Variants in SMG9 observed in about 807,000 individuals in gnomAD.
SMG9 encodes SMG9 nonsense mediated mRNA decay factor.
SMG9 carries 55 observed loss-of-function variants against 64.0 expected under a neutral mutation model. The observed-to-expected ratio is 0.86, with a 90% CI of 0.69 to 1.08. SMG9 has a LOEUF of 1.08. SMG9 is among the 50% of genes least tolerant of loss of function. The pLI, the probability that SMG9 is intolerant of heterozygous loss-of-function variation, is 0.00. For missense variants in SMG9, 554 were observed against 681.3 expected (o/e 0.81, Z 2.08); for synonymous variants, 244 against 254.8 (o/e 0.96, Z 0.41).
At position 43,728,113 on chromosome 19, in the gene SMG9, G is replaced by A. The variant is rs1347932584; in HGVS notation, c.*3483C>T. 2 of 152,144 alleles carry A rather than the reference G, an allele frequency of 1.3e-5. No homozygotes were observed. The highest frequency in any genetic ancestry group is 2.9e-5 in the Non-Finnish European group (2 of 68,048). 9.4% of individuals were successfully genotyped at this position (152,144 alleles called of 1,614,324 possible). The stretch of plus-strand genomic sequence containing the variant: ...TAACATTTATTGAGGCTCAGCATAG[G>A]TCAGGCACTGATATGGTTTGGATCT... On this transcript the variant is annotated 3_prime_UTR_variant, in exon 14 of 14. Coordinates refer to ENST00000270066, the MANE Select transcript of SMG9 (RefSeq NM_019108.4).
intron 9 of SMG9, among the ~76,000 whole-genome samples, chr19:43,735,494 T>C (rs924610800): frequency 1.3e-5 from 2 of 151,856 alleles, no homozygotes; most frequent in Non-Finnish European, 2.9e-5. Flanking sequence ...GGCACACACC[T>C]GTAGTCCCAG....
rs959104360 is a variant in SMG9, at chr19:43,744,832, C to T, written c.641G>A (p.Gly214Glu). 6.2e-7 allele frequency: 1 copy of T among 1,613,802 alleles called. No homozygotes were observed. Among genetic ancestry groups the T allele is most frequent in the Non-Finnish European group, 8.5e-7 (1 of 1,179,922 alleles). Residue 214 changes from glycine (G) to glutamate (E), a missense_variant, in exon 6 of 14, where the codon GGG (glycine) becomes GAG (glutamate). Transcript: ENST00000270066. The part of the protein sequence containing the change: ...VLVVGVLGLQ[G>E]TGKSMVMSLL... Reference sequence around the variant, plus strand: ...TGACATGACCATGGACTTGCCTGTCCCCTGGAGGCCCAGGACACCAACCAC... The same window carrying T: ...TGACATGACCATGGACTTGCCTGTCTCCTGGAGGCCCAGGACACCAACCAC...
chr19:43,735,062 A>T (rs1336220716), intron 9 of SMG9, among the ~76,000 whole-genome samples: 8 of 152,128 alleles, frequency 5.3e-5, no homozygotes, highest in Non-Finnish European at 8.8e-5. Context: ...CCAACCCCTG[A>T]TCTTTTTACT....
chr19:43,739,329 G>C (rs983630081), intron 7 of SMG9, among the ~76,000 whole-genome samples: 2 of 152,212 alleles, frequency 1.3e-5, no homozygotes, highest in African/African-American at 4.8e-5. Flanking sequence ...TCGATGCACT[G>C]AAACCTCACA....
At chr19:43,745,872 A>T (rs930318954) in intron 5 of SMG9, among the ~76,000 whole-genome samples, 2 of 152,186 alleles carry the variant, frequency 1.3e-5, no homozygotes, top group African/African-American at 2.4e-5. Flanking sequence ...GTGGTGGTAC[A>T]TGCCTGTAAT....
intron 1 of SMG9, among the ~76,000 whole-genome samples, chr19:43,751,042 C>T (rs1969177229): frequency 6.6e-6 from 1 of 151,822 alleles, no homozygotes; most frequent in African/African-American, 2.4e-5. Flanking sequence ...CCAGGCTGGT[C>T]TCGAACTCCT....
intron 6 of SMG9, among the ~76,000 whole-genome samples, chr19:43,741,452 A>G (rs1968843838): frequency 6.6e-6 from 1 of 152,198 alleles, no homozygotes; most frequent in African/African-American, 2.4e-5. Context: ...GGAGCATGGT[A>G]AGGCTTTGGC....
chr19:43,735,614 C>CAAAAAAAA (rs889721095), intron 9 of SMG9, among the ~76,000 whole-genome samples: 43 of 51,538 alleles, frequency 8.3e-4, no homozygotes, highest in African/African-American at 2.9e-3. Context: ...GACTCTGTCT[C>CAAAAAAAA]AAAAAAAAAA....
intron 1 of SMG9, among the ~76,000 whole-genome samples, chr19:43,751,175 C>T (rs552950299): frequency 8.6e-5 from 13 of 151,694 alleles, no homozygotes; most frequent in Non-Finnish European, 1.8e-4. Flanking sequence ...CTCTTGTCAC[C>T]GAGGCTGGAG....
chr19:43,731,759 C>T (rs1433422381), intron 13 of SMG9, 85 bp from the exon 14 acceptor site: 3 of 1,529,390 alleles, frequency 2.0e-6, no homozygotes, highest in Non-Finnish European at 2.7e-6. Flanking sequence ...GAAACTGAGG[C>T]CCCTTTTATG....
At position 43,733,674 on chromosome 19, in the gene SMG9, G is replaced by C; in HGVS notation, c.1162C>G (p.His388Asp). ...GCCATGAGCTGGTCAATCATCAGGT[G>C]CATCTGCCGCAGCTTCCGAGGACAG... ...DFCPRKLRQM[H>D]LMIDQLMAHS... The change falls in exon 11 of 14, where the codon CAC (histidine) becomes GAC (aspartate). Residue 388 changes from histidine (H) to aspartate (D), a missense_variant. Coordinates refer to ENST00000270066, the MANE Select transcript of SMG9 (RefSeq NM_019108.4). 6.2e-7 allele frequency: 1 copy of C among 1,614,146 alleles called. No homozygotes were observed.
intron 5 of SMG9, among the ~76,000 whole-genome samples, chr19:43,745,843 A>G (rs990125127): frequency 6.6e-6 from 1 of 152,152 alleles, no homozygotes; most frequent in African/African-American, 2.4e-5. Context: ...CTCTACTAAA[A>G]ATACAAAATT....
intron 10 of SMG9, 23 bp from the exon 11 acceptor site, chr19:43,733,756 C>T: frequency 6.3e-7 from 1 of 1,598,984 alleles, no homozygotes; most frequent in Non-Finnish European, 8.6e-7. Context: ...AGAGACGGGC[C>T]CTGTCAGGCA....
At chr19:43,747,365 GT>G in intron 5 of SMG9, 76 bp downstream of exon 5, 1 of 1,437,932 alleles carries the variant, frequency 7.0e-7, no homozygotes, top group Non-Finnish European at 9.7e-7. Flanking sequence ...CTCCAGTCTG[GT>G]GTTGCCTACA....
At chr19:43,741,185 C>T (rs192394742) in intron 6 of SMG9, among the ~76,000 whole-genome samples, 4 of 152,268 alleles carry the variant, frequency 2.6e-5, no homozygotes, top group Admixed American at 1.3e-4. Context: ...AAAGAAGAGG[C>T]GTGCAGTGCT....
chr19:43,747,668 C>G lies in SMG9; in HGVS notation c.455G>C (p.Arg152Pro). 6.2e-7 allele frequency: 1 copy of G among 1,612,476 alleles called. No homozygotes were observed. Among genetic ancestry groups the G allele is most frequent in the Non-Finnish European group, 8.5e-7 (1 of 1,179,332 alleles). The part of the protein sequence containing the change: ...PTQPVYQIQN[R>P]GMGTAAPAAM... ...TGCTGGTGCGGCAGTGCCCATGCCC[C>G]GGTTCTGGATCTGGTACACAGGCTG... The change falls in exon 4 of 14, where the codon CGG becomes CCG. Residue 152 changes from arginine to proline, a missense_variant. Coordinates refer to ENST00000270066, the MANE Select transcript of SMG9 (RefSeq NM_019108.4).
chr19:43,751,300 A>AT lies in SMG9; in HGVS notation c.-6-554dup, dbSNP rs562855536. 6.8e-3 allele frequency among the ~76,000 whole-genome samples: 906 copies of AT among 133,616 alleles called. 11 individuals are homozygous for AT. The highest frequency in any genetic ancestry group is 0.021 in the South Asian group (89 of 4,142). The allele number at this position is 133,616 out of a possible 152,430, so 87.7% of individuals were successfully genotyped here. On this transcript the variant is annotated intron_variant, in intron 1 of 13. Coordinates refer to ENST00000270066, the MANE Select transcript of SMG9 (RefSeq NM_019108.4). ...AGATGCCCACCACCACACCCGACTAATTTTTTTTGTATTTTTAGTAGAGAT... is the reference window on the plus strand; with the variant it reads ...AGATGCCCACCACCACACCCGACTAATTTTTTTTTGTATTTTTAGTAGAGAT...
chr19:43,731,289 A>G lies in SMG9; in HGVS notation c.*307T>C. 2 of 1,169,504 alleles carry G rather than the reference A, an allele frequency of 1.7e-6. No homozygotes were observed. The highest frequency in any genetic ancestry group is 2.7e-5 in the South Asian group (1 of 36,658). The allele number at this position is 1,169,504 out of a possible 1,614,324, so 72.4% of individuals were successfully genotyped here. A position where few individuals can be genotyped will look rare whatever the true frequency, so the allele number is the denominator to read the frequency against. ...CTCCTGTCCCTGAAAAAGGAGGTCA[A>G]GATGGAGCCCGGGCTTCCTGGTGAC... On this transcript the variant is annotated 3_prime_UTR_variant, in exon 14 of 14. Transcript: ENST00000270066.
chr19:43,731,737 G>A (rs374502596), intron 13 of SMG9, 63 bp from the exon 14 acceptor site: 38 of 1,602,670 alleles, frequency 2.4e-5, no homozygotes, highest in South Asian at 1.3e-4. Flanking sequence ...GCACCAACCC[G>A]GGACAGGTGG....
Sources: allele counts gnomAD v4.1 joint callset (sites outside exome capture counted in the v4.1 genomes callset), GRCh38; gene constraint gnomAD v4.1.1; transcripts MANE v1.5; gene names NCBI Gene and HGNC (gene_info 2026-07-23, HGNC 2026-07-21).